SYT14: variants seen among roughly 807,000 people sequenced by gnomAD.
SYT14 encodes the protein synaptotagmin 14, also known as synaptotagmin-14.
In SYT14, 32 loss-of-function variants were observed where a neutral mutation model predicts 74.2. That is an observed-to-expected ratio of 0.43 (90% CI 0.33 to 0.58). SYT14 has a LOEUF of 0.58. Ranked by LOEUF, SYT14 falls within the 20% of genes least tolerant of loss-of-function variation. SYT14 has a pLI of 0.05. For synonymous variants in SYT14, 298 were observed against 337.7 expected (o/e 0.88, Z 1.29); for missense variants, 791 against 981.8 (o/e 0.81, Z 2.60).
chr1:210,090,754 T>G (rs1467691179), intron 5 of SYT14, among the ~76,000 whole-genome samples: 1 of 152,064 alleles, frequency 6.6e-6, no homozygotes, highest in Non-Finnish European at 1.5e-5. Flanking sequence ...TAATATAAAT[T>G]TTGTTACTTT....
intron 2 of SYT14, among the ~76,000 whole-genome samples, chr1:209,991,440 C>T (rs2079683847): frequency 6.6e-6 from 1 of 152,014 alleles, no homozygotes; most frequent in Non-Finnish European, 1.5e-5. Flanking sequence ...ACCAAAATCC[C>T]TCAAATAACC....
intron 5 of SYT14, among the ~76,000 whole-genome samples, chr1:210,060,523 G>A (rs904839143): frequency 1.3e-5 from 2 of 152,130 alleles, no homozygotes; most frequent in East Asian, 1.9e-4. Context: ...CTTTGGTGCT[G>A]TATTACAAAT....
chr1:210,126,023 T>G (rs1028296997), intron 7 of SYT14, among the ~76,000 whole-genome samples: 1 of 152,112 alleles, frequency 6.6e-6, no homozygotes, highest in East Asian at 1.9e-4. Context: ...GCCAACATGG[T>G]GAAACCCCAT....
chr1:210,168,306 G>C (rs1349666299), exon 10 of SYT14: 3 of 152,122 alleles, frequency 2.0e-5, no homozygotes, highest in African/African-American at 4.8e-5. Context: ...TTCTATGTCA[G>C]TTTGATAGTC....
intron 5 of SYT14, among the ~76,000 whole-genome samples, chr1:210,044,457 TG>T (rs984538225): frequency 6.6e-5 from 10 of 152,220 alleles, no homozygotes; most frequent in African/African-American, 2.4e-4. Context: ...TCTTTCCTTT[TG>T]TGGAAAGCTT....
At chr1:209,965,501 A>G (rs903559161) in intron 2 of SYT14, among the ~76,000 whole-genome samples, 1 of 152,196 alleles carries the variant, frequency 6.6e-6, no homozygotes, top group African/African-American at 2.4e-5. Flanking sequence ...GCTATTCTGA[A>G]TAGCACTGGG....
chr1:210,016,727 A>G, exon 4 of SYT14: 2 of 1,231,896 alleles, frequency 1.6e-6, no homozygotes, highest in Non-Finnish European at 2.0e-6. Context: ...TCAAGAGAAT[A>G]TGGGGCATTT....
chr1:210,123,599 C>T (rs995291227), intron 7 of SYT14, among the ~76,000 whole-genome samples: 1 of 152,132 alleles, frequency 6.6e-6, no homozygotes, highest in African/African-American at 2.4e-5. Context: ...CTCAAGATTC[C>T]AAGCAAAGAT....
At chr1:210,108,914 A>T (rs1385641011) in intron 7 of SYT14, among the ~76,000 whole-genome samples, 2 of 152,132 alleles carry the variant, frequency 1.3e-5, no homozygotes, top group African/African-American at 4.8e-5. Context: ...AGTTCATATG[A>T]TGTGGAAGGA....
intron 5 of SYT14, among the ~76,000 whole-genome samples, chr1:210,043,578 A>G (rs760915170): frequency 6.6e-6 from 1 of 152,218 alleles, no homozygotes; most frequent in Non-Finnish European, 1.5e-5. Flanking sequence ...TTTGAAATAT[A>G]TTTTGGAACC....
chr1:210,076,914 G>A (rs2081511657), intron 5 of SYT14, among the ~76,000 whole-genome samples: 1 of 152,186 alleles, frequency 6.6e-6, no homozygotes, highest in African/African-American at 2.4e-5. Flanking sequence ...TTCAACATGA[G>A]ATTTGGGTGG....
exon 10 of SYT14, chr1:210,160,742 G>A (rs945009549): frequency 6.2e-7 from 1 of 1,613,698 alleles, no homozygotes; most frequent in Admixed American, 1.7e-5. Context: ...CATATGTTAA[G>A]TTAACTCTAC....
intron 2 of SYT14, among the ~76,000 whole-genome samples, chr1:209,996,687 A>G (rs1215881893): frequency 6.6e-6 from 1 of 151,992 alleles, no homozygotes; most frequent in Non-Finnish European, 1.5e-5. Context: ...TCCTGAACAT[A>G]TTGATGAACA....
chr1:210,157,441 TAAAAAA>T (rs879726502), intron 8 of SYT14, among the ~76,000 whole-genome samples: 75 of 118,466 alleles, frequency 6.3e-4, no homozygotes, highest in African/African-American at 2.4e-3. Context: ...GACCCTGTCT[TAAAAAA>T]AAAAAAAATT....
chr1:209,991,860 A>T (rs1322947156), intron 2 of SYT14, among the ~76,000 whole-genome samples: 1 of 152,022 alleles, frequency 6.6e-6, no homozygotes, highest in Non-Finnish European at 1.5e-5. Flanking sequence ...CAAATAACAG[A>T]TATTGACGGG....
At chr1:210,037,529 GT>G (rs59923020) in intron 5 of SYT14, among the ~76,000 whole-genome samples, 79,141 of 137,710 alleles carry the variant, frequency 0.57, 23,379 homozygotes, top group African/African-American at 0.8. Context: ...TGATTTTTCT[GT>G]TTTTTTTTTT....
intron 5 of SYT14, among the ~76,000 whole-genome samples, chr1:210,088,646 T>C (rs1376586296): frequency 4.6e-5 from 7 of 152,056 alleles, no homozygotes; most frequent in Non-Finnish European, 8.8e-5. Context: ...CATGGAATAC[T>C]ATGCAGCCAT....
intron 2 of SYT14, among the ~76,000 whole-genome samples, chr1:210,001,330 T>G (rs568819107): frequency 2.6e-5 from 4 of 152,120 alleles, no homozygotes; most frequent in Non-Finnish European, 5.9e-5. Context: ...ATGTCTTGAC[T>G]CCTTTACTTT....
chr1:210,049,478 G>C (rs900251001), intron 5 of SYT14, among the ~76,000 whole-genome samples: 4 of 150,602 alleles, frequency 2.7e-5, no homozygotes, highest in African/African-American at 9.8e-5. Context: ...ACATGTGCAG[G>C]ACATGCAGGT....
Sources: gnomAD v4.1 joint callset for allele counts (sites outside exome capture counted in the v4.1 genomes callset) on GRCh38, gnomAD v4.1.1 for gene constraint, MANE v1.5 for transcripts, NCBI Gene and HGNC (gene_info 2026-07-23, HGNC 2026-07-21) for gene names.